CPAP: variants seen among roughly 807,000 people sequenced by gnomAD.
The protein encoded by CPAP is centrosomal P4.1-associated protein.
chr13:24,886,293 G>T, the CPAP span: 1 of 1,288,696 alleles, frequency 7.8e-7, no homozygotes, highest in Non-Finnish European at 1.0e-6. Flanking sequence ...GTGTAACAGA[G>T]CTGGATGTTA....
the CPAP span, chr13:24,907,269 G>C: frequency 2.4e-6 from 3 of 1,247,778 alleles, no homozygotes; most frequent in Non-Finnish European, 3.5e-6. Context: ...GCCTGGTATA[G>C]AAACCCTTGA....
the CPAP span, chr13:24,906,111 T>A: frequency 6.2e-7 from 1 of 1,613,098 alleles, no homozygotes; most frequent in Non-Finnish European, 8.5e-7. Flanking sequence ...TCACGTGCAG[T>A]GTGGTCCAAA....
the CPAP span, chr13:24,906,475 TTG>T: frequency 6.2e-7 from 1 of 1,614,232 alleles, no homozygotes; most frequent in Non-Finnish European, 8.5e-7. Context: ...TGTCTTTACC[TTG>T]TGTCTTATTC....
the CPAP span, chr13:24,933,190 C>T: frequency 1.5e-6 from 2 of 1,295,216 alleles, no homozygotes; most frequent in South Asian, 2.4e-5. Context: ...ATTCAGGGAA[C>T]AACAGGGTCA....
the CPAP span, among the ~76,000 whole-genome samples, chr13:24,915,629 C>A: frequency 2.6e-5 from 4 of 152,108 alleles, no homozygotes; most frequent in Non-Finnish European, 5.9e-5. Context: ...CATGGTGAAA[C>A]CCCATCTCTA....
chr13:24,907,935 T>C, the CPAP span: 9 of 1,054,680 alleles, frequency 8.5e-6, no homozygotes, highest in Non-Finnish European at 1.2e-5. Flanking sequence ...AATATAGATC[T>C]TTCAAACAAA....
chr13:24,898,898 C>T, the CPAP span, among the ~76,000 whole-genome samples: 26 of 152,306 alleles, frequency 1.7e-4, no homozygotes, highest in South Asian at 3.9e-3. Flanking sequence ...TGTGTCTTCT[C>T]TTAGTAATCT....
At chr13:24,912,765 T>G in the CPAP span, 1 of 1,614,156 alleles carries the variant, frequency 6.2e-7, no homozygotes, top group South Asian at 1.1e-5. Context: ...CTGACTGTGG[T>G]TTGTAAGGGT....
chr13:24,909,642 G>A, the CPAP span: 3 of 726,686 alleles, frequency 4.1e-6, no homozygotes, highest in Non-Finnish European at 6.9e-6. Flanking sequence ...AAGATTACTT[G>A]TGCCCAGGAG....
the CPAP span, chr13:24,907,314 C>A: frequency 1.3e-6 from 1 of 774,424 alleles, no homozygotes; most frequent in Non-Finnish European, 2.2e-6. Context: ...AAAATCAGTG[C>A]CTCCCTTTGA....
the CPAP span, chr13:24,907,256 T>C: frequency 7.4e-7 from 1 of 1,358,368 alleles, no homozygotes; most frequent in Non-Finnish European, 1.0e-6. Flanking sequence ...TTACACTTAG[T>C]GTGCCTGGTA....
At chr13:24,903,889 C>G in the CPAP span, 2 of 1,606,680 alleles carry the variant, frequency 1.2e-6, no homozygotes. Context: ...AACTGAGTCA[C>G]TGCATATTTT....
At chr13:24,917,994 T>C in the CPAP span, among the ~76,000 whole-genome samples, 1 of 152,214 alleles carries the variant, frequency 6.6e-6, no homozygotes, top group Non-Finnish European at 1.5e-5. Context: ...CGCTCAACAC[T>C]GTTGCATTGG....
At chr13:24,929,841 G>A in the CPAP span, among the ~76,000 whole-genome samples, 1 of 138,436 alleles carries the variant, frequency 7.2e-6, no homozygotes, top group Non-Finnish European at 1.6e-5. Flanking sequence ...AATTTCAATT[G>A]TTTTCAAGTT....
the CPAP span, chr13:24,883,252 T>TTGA: frequency 6.2e-7 from 1 of 1,614,146 alleles, no homozygotes; most frequent in Admixed American, 1.7e-5. Context: ...ACTTCGTTTC[T>TTGA]TGATGACCGT....
the CPAP span, chr13:24,906,449 G>A: frequency 4.3e-6 from 7 of 1,614,068 alleles, no homozygotes; most frequent in Admixed American, 6.7e-5. Flanking sequence ...GGCCGGCCCT[G>A]TTGAAAGAGG....
the CPAP span, chr13:24,924,652 G>A: frequency 6.6e-6 from 1 of 152,202 alleles, no homozygotes; most frequent in Non-Finnish European, 1.5e-5. Context: ...AGATGGTGCT[G>A]TAGAGAAAAA....
chr13:24,924,736 A>G, the CPAP span: 1 of 152,220 alleles, frequency 6.6e-6, no homozygotes, highest in African/African-American at 2.4e-5. Flanking sequence ...ATGCCATCAT[A>G]GGAGTCAAGA....
the CPAP span, among the ~76,000 whole-genome samples, chr13:24,891,453 G>C: frequency 6.6e-6 from 1 of 152,138 alleles, no homozygotes; most frequent in African/African-American, 2.4e-5. Flanking sequence ...AGTTCCTGGT[G>C]GCCATGTGCT....
Sources: allele counts gnomAD v4.1 joint callset (sites outside exome capture counted in the v4.1 genomes callset), GRCh38; gene constraint gnomAD v4.1.1; transcripts MANE v1.5; gene names NCBI Gene and HGNC (gene_info 2026-07-23, HGNC 2026-07-21).